The following TRPM2 variants were observed in gnomAD, a reference collection of about 807,000 sequenced individuals.
TRPM2 encodes the protein estrogen-responsive element-associated gene 1 protein.
TRPM2 carries 161 observed loss-of-function variants against 174.0 expected under a neutral mutation model. That is an observed-to-expected ratio of 0.93 (90% CI 0.81 to 1.05). The LOEUF is 1.05. TRPM2 is among the 50% of genes least tolerant of loss of function. TRPM2 has a pLI of 0.00. For synonymous variants in TRPM2, 954 were observed against 861.3 expected (o/e 1.11, Z -1.88); for missense variants, 2,057 against 2,038.0 (o/e 1.01, Z -0.18).
In TRPM2 at chr21:44,407,748, C is replaced by T. The variant is rs142693925; in HGVS notation, c.2962+983C>T. Among the ~76,000 whole-genome samples the T allele has an allele frequency of 4.3e-3, 660 of 151,856 alleles. 3 individuals carry two copies. Among genetic ancestry groups the T allele is most frequent in the African/African-American group, 0.015 (640 of 41,402 alleles). On this transcript the variant is annotated intron_variant, in intron 19 of 31. Transcript: ENST00000397928. ...TTGATGTCCCGTTTTCAAGGTTTGT[C>T]ACCGTGTATCAGTATTTACTTCCCG...
In TRPM2 at chr21:44,426,694, C is replaced by T. The variant is rs113563173; in HGVS notation, c.3830C>T (p.Thr1277Met). 678 of 1,614,150 alleles carry T rather than the reference C, an allele frequency of 4.2e-4. 5 individuals are homozygous for T. The Middle Eastern group carries it at 7.9e-3, about 19-fold the overall frequency. ...CTGATCTATGACCCACCCTTTTACACGGCAGAGAGGAAGGACGCGGCCGCC... is the reference window on the plus strand; with the variant it reads ...CTGATCTATGACCCACCCTTTTACATGGCAGAGAGGAAGGACGCGGCCGCC... The part of the protein sequence containing the change: ...EFLIYDPPFY[T>M]AERKDAAAMD... Residue 1277 changes from threonine to methionine, a missense_variant, in exon 26 of 32, where the codon ACG becomes ATG. By Grantham distance (81) the Thr-to-Met change is moderately conservative. Transcript: ENST00000397928.
rs2051347773 is a variant in TRPM2 at position 44,438,100 on chromosome 21, C to CG, written c.4167+937dup. ...TGCCACAAGGGCCTCTGGGCAGGAA[C>CG]GGGGACTCCGGAGCCCAGGCCCAGC... is the stretch of plus-strand genomic sequence containing the variant. On this transcript the variant is annotated intron_variant, in intron 29 of 31. Coordinates refer to ENST00000397928, the MANE Select transcript of TRPM2 (RefSeq NM_003307.4). The surrounding 1 kb of genome is among the most constrained non-coding windows in gnomAD (Gnocchi z 5.9). Among the ~76,000 whole-genome samples the CG allele has an allele frequency of 6.6e-6, 1 of 152,232 alleles. No individual in the cohort carries two copies. The highest frequency in any genetic ancestry group is 1.5e-5 in the Non-Finnish European group (1 of 68,046).
At chr21:44,394,703 A>G (rs2049288843) in intron 11 of TRPM2, among the ~76,000 whole-genome samples, 1 of 152,150 alleles carries the variant, frequency 6.6e-6, no homozygotes, top group African/African-American at 2.4e-5. Flanking sequence ...GAATATGCTT[A>G]GGAAGGTCCA....
Position 44,369,297 on chromosome 21 carries a change from C to T in TRPM2, c.725C>T (p.Ala242Val), listed in dbSNP as rs769519113. 154 of 1,613,596 alleles carry T rather than the reference C, an allele frequency of 9.5e-5. No individual in the cohort carries two copies. The highest frequency in any genetic ancestry group is 1.3e-4 in the Non-Finnish European group (150 of 1,179,888). ...KEGELITIGV[A>V]TWGTVHRREG... is the part of the protein sequence containing the mutation. ...GGCGAGCTCATCACCATCGGAGTCGCCACCTGGGGCACTGTCCACCGCCGC... is the reference window on the plus strand; with the variant it reads ...GGCGAGCTCATCACCATCGGAGTCGTCACCTGGGGCACTGTCCACCGCCGC... The change falls in exon 5 of 32, where the codon GCC becomes GTC. Residue 242 changes from alanine (A) to valine (V), a missense_variant. Transcript: ENST00000397928.
rs45465697 is a variant in TRPM2, at chr21:44,367,377, C to T, written c.604+443C>T. Among the ~76,000 whole-genome samples the T allele has an allele frequency of 5.1e-4, 77 of 152,348 alleles. No individual in the cohort carries two copies. The East Asian group carries it at 0.014, about 28-fold the overall frequency. On this transcript the variant is annotated intron_variant, in intron 4 of 31. Transcript: ENST00000397928. The surrounding 1 kb of genome is among the most constrained non-coding windows in gnomAD (Gnocchi z 4.6). ...TCAGCGAGAGTTCCCAGTCATCAAG[C>T]TTTCCATTATCGTGTTTTTCCATCA...
intron 19 of TRPM2, among the ~76,000 whole-genome samples, chr21:44,408,363 G>A (rs572824355): frequency 6.6e-6 from 1 of 152,014 alleles, no homozygotes; most frequent in Non-Finnish European, 1.5e-5. Context: ...GCTCATATGG[G>A]AACTCCATGT....
chr21:44,422,279 G>A, intron 22 of TRPM2: 1 of 1,536,058 alleles, frequency 6.5e-7, no homozygotes, highest in Non-Finnish European at 8.7e-7. Flanking sequence ...GGGCAGGGCT[G>A]GAGCTTTGGG....
intron 22 of TRPM2, 151 bp from the exon 23 acceptor site, chr21:44,423,494 T>C: frequency 1.5e-6 from 1 of 675,302 alleles, no homozygotes; most frequent in African/African-American, 1.8e-5. Context: ...ATGGGAGAAA[T>C]GCATGTTAGA....
chr21:44,431,619 G>A (rs2051025052), intron 27 of TRPM2, among the ~76,000 whole-genome samples: 2 of 152,104 alleles, frequency 1.3e-5, no homozygotes, highest in African/African-American at 2.4e-5. Context: ...GGAATTACAG[G>A]CACGCACCAC....
intron 1 of TRPM2, 121 bp downstream of exon 1, chr21:44,353,986 C>T: frequency 8.2e-7 from 1 of 1,222,308 alleles, no homozygotes; most frequent in South Asian, 1.6e-5. Context: ...TTGGGGGCTC[C>T]TGCCCAACCA....
intron 5 of TRPM2, among the ~76,000 whole-genome samples, chr21:44,370,238 A>T (rs1602147454): frequency 6.6e-6 from 1 of 152,200 alleles, no homozygotes; most frequent in East Asian, 1.9e-4. Context: ...AGCCAGGGCG[A>T]TCCGACCCCG....
rs76284765 is a variant in TRPM2 at position 44,426,693 on chromosome 21, A to G, written c.3829A>G (p.Thr1277Ala). 959 of 1,614,094 alleles carry G rather than the reference A, an allele frequency of 5.9e-4. 8 individuals are homozygous for G. The African/African-American group carries it at 0.01, about 18-fold the overall frequency. Residue 1277 changes from threonine (T) to alanine (A), a missense_variant, in exon 26 of 32, where the codon ACG (threonine) becomes GCG (alanine). Transcript: ENST00000397928. ...EFLIYDPPFY[T>A]AERKDAAAMD... ...CCTGATCTATGACCCACCCTTTTAC[A>G]CGGCAGAGAGGAAGGACGCGGCCGC...
intron 22 of TRPM2, chr21:44,423,396 C>G (rs980500556): frequency 4.0e-6 from 2 of 500,004 alleles, no homozygotes; most frequent in African/African-American, 1.9e-5. Context: ...CTCCTGGGAC[C>G]GACAGGCTGC....
intron 31 of TRPM2, among the ~76,000 whole-genome samples, chr21:44,441,385 CTTGGA>C (rs1361170519): frequency 2.6e-5 from 4 of 152,230 alleles, no homozygotes; most frequent in Admixed American, 2.6e-4. Context: ...ATTCCCAGTA[CTTGGA>C]TTAATCCTGC....
At chr21:44,397,142 G>A (rs1003950717) in intron 12 of TRPM2, among the ~76,000 whole-genome samples, 3 of 151,618 alleles carry the variant, frequency 2.0e-5, no homozygotes, top group Admixed American at 1.3e-4. Context: ...GTGTTCAAGC[G>A]ATTCTCCTGC....
rs1569003969 is a variant in TRPM2, at chr21:44,353,659, G to A, written c.-42G>A. On this transcript the variant is annotated 5_prime_UTR_variant, in exon 1 of 32. Transcript: ENST00000397928. The stretch of plus-strand genomic sequence containing the variant: ...AGCGAGCTGGAGAGAGGACTGTCCT[G>A]AGGGCAGCAGGCCTGGTTGCAGCTG... The A allele has an allele frequency of 1.4e-6, 2 of 1,442,020 alleles. No homozygotes were observed. Among genetic ancestry groups the A allele is most frequent in the African/African-American group, 1.5e-5 (1 of 67,708 alleles). The allele number at this position is 1,442,020 out of a possible 1,614,324, so 89.3% of individuals were successfully genotyped here. A position where few individuals can be genotyped will look rare whatever the true frequency, so the allele number is the denominator to read the frequency against.
rs1337891892 is a variant in TRPM2, at chr21:44,376,575, C to T, written c.952+562C>T. Among the ~76,000 whole-genome samples, 2 of 152,212 alleles carry T rather than the reference C, an allele frequency of 1.3e-5. No individual in the cohort carries two copies. Among genetic ancestry groups the T allele is most frequent in the African/African-American group, 2.4e-5 (1 of 41,438 alleles). ...AATTATTTTAAACCTTGATCATGGT[C>T]TGCTCTCAGGTTCAGAAATCAGAAT... On this transcript the variant is annotated intron_variant, in intron 6 of 31. Transcript: ENST00000397928. The surrounding 1 kb of genome is among the most constrained non-coding windows in gnomAD (Gnocchi z 4.2).
intron 20 of TRPM2, 127 bp downstream of exon 20, chr21:44,414,201 ACT>A: frequency 4.8e-6 from 6 of 1,237,498 alleles, no homozygotes; most frequent in Non-Finnish European, 6.8e-6. Flanking sequence ...GAGGCGCGTC[ACT>A]CATATCCTGG....
intron 20 of TRPM2, chr21:44,416,708 G>C (rs1361606472): frequency 1.0e-5 from 2 of 198,132 alleles, no homozygotes; most frequent in South Asian, 6.8e-5. Flanking sequence ...TGTGCCTGGA[G>C]CTGGCCTCCC....
Sources: gnomAD v4.1 joint callset for allele counts (sites outside exome capture counted in the v4.1 genomes callset) on GRCh38, gnomAD v4.1.1 for gene constraint, Gnocchi (gnomAD v3.1) non-coding constraint, MANE v1.5 for transcripts, NCBI Gene and HGNC (gene_info 2026-07-23, HGNC 2026-07-21) for gene names.